Variants in ZEB2 observed in about 807,000 individuals in gnomAD.
The protein encoded by ZEB2 is zinc finger E-box binding homeobox 2.
Under a neutral mutation model 99.9 loss-of-function variants are expected in ZEB2, and 6 were observed. The observed-to-expected ratio is 0.06, with a 90% CI of 0.03 to 0.12. The LOEUF (loss-of-function observed/expected upper bound fraction) is 0.12, where lower values mean the gene tolerates loss of function less well. Among genes scored for constraint, ZEB2 ranks in the 10% least tolerant of loss-of-function variants. The probability of loss-of-function intolerance (pLI) is 1.00; values close to 1 mark genes in which losing one functional copy is unlikely to be tolerated. For synonymous variants in ZEB2, 517 were observed against 542.5 expected (o/e 0.95, Z 0.65); for missense variants, 969 against 1,502.8 (o/e 0.64, Z 5.87).
At chr2:144,417,956 A>C (rs1703562589) in intron 4 of ZEB2, among the ~76,000 whole-genome samples, 1 of 152,186 alleles carries the variant, frequency 6.6e-6, no homozygotes, top group African/African-American at 2.4e-5. Context: ...TTAATATGTA[A>C]AATTGTTATG....
rs1703748785 is a variant in ZEB2 at position 144,430,014 on chromosome 2, T to C, written c.86A>G (p.Asp29Gly). 6.2e-7 allele frequency: 1 copy of C among 1,613,346 alleles called. No homozygotes were observed. The highest frequency in any genetic ancestry group is 8.5e-7 in the Non-Finnish European group (1 of 1,179,804). Residue 29 changes from aspartate to glycine, a missense_variant, in exon 3 of 10, where the codon GAC becomes GGC. Asp to Gly is a moderately conservative substitution (Grantham distance 94). Transcript: ENST00000627532. ...TTCAGAACCTGTGTCCACTACATTG[T>C]CATAGTTCACCACTGCAGAAGAAGC... ...NPRRKNVVNY[D>G]NVVDTGSETD...
At chr2:144,411,490 C>T (rs1283658451) in intron 4 of ZEB2, among the ~76,000 whole-genome samples, 2 of 152,090 alleles carry the variant, frequency 1.3e-5, no homozygotes, top group Admixed American at 6.5e-5. Context: ...TGCATGTATG[C>T]GTTTTTGCAG....
chr2:144,433,141 C>T (rs1445598943), intron 2 of ZEB2, among the ~76,000 whole-genome samples: 4 of 152,044 alleles, frequency 2.6e-5, no homozygotes, highest in African/African-American at 7.2e-5. Context: ...TTCCTTTCTG[C>T]AATTCAATAA....
intron 1 of ZEB2, chr2:144,517,631 G>A (rs967916956): frequency 5.8e-6 from 4 of 690,450 alleles, no homozygotes; most frequent in African/African-American, 1.9e-5. Context: ...TGTTGCACCC[G>A]CGAGGGGATC....
chr2:144,432,369 A>C (rs1703785380), intron 2 of ZEB2, among the ~76,000 whole-genome samples: 1 of 152,184 alleles, frequency 6.6e-6, no homozygotes, highest in African/African-American at 2.4e-5. Flanking sequence ...GCGCTGTGTT[A>C]ACTAGGATAT....
In ZEB2 at chr2:144,385,775, C is replaced by A. The variant is rs1703072919; in HGVS notation, c.*3676G>T. 6.6e-6 allele frequency: 1 copy of A among 152,082 alleles called. No homozygotes were observed. Among genetic ancestry groups the A allele is most frequent in the Admixed American group, 6.5e-5 (1 of 15,276 alleles). 9.4% of individuals were successfully genotyped at this position (152,082 alleles called of 1,614,324 possible). ...TTGGGCAGTCTCCTCAAATTTGTGA[C>A]TAAGATTTGCTTTTATTAAGGCTTA... On this transcript the variant is annotated 3_prime_UTR_variant, in exon 10 of 10. Transcript: ENST00000627532.
intron 4 of ZEB2, among the ~76,000 whole-genome samples, chr2:144,410,905 C>T (rs1172798572): frequency 1.3e-5 from 2 of 150,784 alleles, no homozygotes; most frequent in Non-Finnish European, 3.0e-5. Flanking sequence ...TCCATCCATC[C>T]CCTTGTTTAA....
At chr2:144,502,505 G>C (rs1419730643) in intron 2 of ZEB2, among the ~76,000 whole-genome samples, 1 of 152,162 alleles carries the variant, frequency 6.6e-6, no homozygotes, top group East Asian at 1.9e-4. Flanking sequence ...TTAGCTCCCT[G>C]TATCTTCTCA....
At chr2:144,423,366 A>C (rs1341264041) in intron 4 of ZEB2, among the ~76,000 whole-genome samples, 1 of 152,220 alleles carries the variant, frequency 6.6e-6, no homozygotes, top group Non-Finnish European at 1.5e-5. Context: ...ACATTATAGA[A>C]AGTATCTAAT....
intron 2 of ZEB2, among the ~76,000 whole-genome samples, chr2:144,466,979 G>T (rs375545486): frequency 6.6e-6 from 1 of 152,068 alleles, no homozygotes; most frequent in Non-Finnish European, 1.5e-5. Context: ...TTTTCCTGCC[G>T]CGCAACAATT....
At chr2:144,517,530 C>A (rs1316457392) in intron 1 of ZEB2, 111 bp from the exon 2 acceptor site, 4 of 738,756 alleles carry the variant, frequency 5.4e-6, no homozygotes, top group South Asian at 3.0e-5. Context: ...TCCGCGCCCC[C>A]CAACGCCAAA....
At chr2:144,455,422 A>G (rs989881936) in intron 2 of ZEB2, among the ~76,000 whole-genome samples, 20 of 152,296 alleles carry the variant, frequency 1.3e-4, no homozygotes, top group South Asian at 4.1e-4. Flanking sequence ...TTACAAGCTG[A>G]CTATCTGCTA....
intron 4 of ZEB2, among the ~76,000 whole-genome samples, chr2:144,411,423 T>G (rs1044339429): frequency 2.6e-5 from 4 of 152,164 alleles, no homozygotes; most frequent in African/African-American, 9.6e-5. Flanking sequence ...TAGATTCTCA[T>G]GGCTACTTTG....
At chr2:144,397,959 C>T (rs1573714719) in intron 8 of ZEB2, 1 of 359,092 alleles carries the variant, frequency 2.8e-6, no homozygotes, top group East Asian at 7.5e-5. Context: ...TCTTTAAAAG[C>T]ACGTGACGGT....
chr2:144,517,155 C>T (rs1573821400), intron 2 of ZEB2, 123 bp downstream of exon 2: 6 of 1,155,624 alleles, frequency 5.2e-6, no homozygotes, highest in Middle Eastern at 3.1e-4. Context: ...GAGGGAGGCT[C>T]GCCCTAGAGC....
At chr2:144,513,230 G>A (rs1314733978) in intron 2 of ZEB2, 1 of 1,287,384 alleles carries the variant, frequency 7.8e-7, no homozygotes, top group South Asian at 1.2e-5. Context: ...ACTCCTTTAA[G>A]GAAGTGGTAA....
In ZEB2 at chr2:144,401,298, G is replaced by A; in HGVS notation, c.817C>T (p.Leu273=). The change falls in exon 7 of 10, where the codon CTA becomes TTA. Residue 273 remains leucine, a synonymous_variant. Coordinates refer to ENST00000627532, the MANE Select transcript of ZEB2 (RefSeq NM_014795.4). Reference sequence around the variant, plus strand: ...TTGCGATTACCTGCTCCTTGGGTTAGCATTTGGTGCTATAAAAGGAGAAAG... The same window carrying A: ...TTGCGATTACCTGCTCCTTGGGTTAACATTTGGTGCTATAAAAGGAGAAAG... ...HKPGTDQHQM[L]TQGAGNRKFK... 6.2e-7 allele frequency: 1 copy of A among 1,614,052 alleles called. No individual in the cohort carries two copies. Among genetic ancestry groups the A allele is most frequent in the South Asian group, 1.1e-5 (1 of 91,082 alleles).
chr2:144,438,569 C>CA (rs903832311), intron 2 of ZEB2, among the ~76,000 whole-genome samples: 1 of 152,050 alleles, frequency 6.6e-6, no homozygotes, highest in Admixed American at 6.6e-5. Flanking sequence ...TGATCACATG[C>CA]AAAAAATTCT....
chr2:144,509,686 T>C (rs779149203), intron 2 of ZEB2, among the ~76,000 whole-genome samples: 2 of 152,098 alleles, frequency 1.3e-5, no homozygotes, highest in African/African-American at 2.4e-5. Context: ...AGAAAATTAT[T>C]GGTATCTCAA....
Sources: gnomAD v4.1 joint callset for allele counts (sites outside exome capture counted in the v4.1 genomes callset) on GRCh38, gnomAD v4.1.1 for gene constraint, MANE v1.5 for transcripts, NCBI Gene and HGNC (gene_info 2026-07-23, HGNC 2026-07-21) for gene names.